The following NVL variants were observed in gnomAD, a reference collection of about 807,000 sequenced individuals.
NVL encodes nuclear valosin-containing protein-like.
NVL carries 84 observed loss-of-function variants against 110.2 expected under a neutral mutation model. The observed-to-expected ratio is 0.76, with a 90% confidence interval of 0.64 to 0.91. The LOEUF (loss-of-function observed/expected upper bound fraction) is 0.91, where lower values mean the gene tolerates loss of function less well. Ranked by LOEUF, NVL falls within the 40% of genes least tolerant of loss-of-function variation. The probability of loss-of-function intolerance (pLI) is 0.00; values close to 1 mark genes in which losing one functional copy is unlikely to be tolerated. For missense variants in NVL, 882 were observed against 1,035.9 expected, an observed-to-expected ratio of 0.85 and a Z score of 2.04; for synonymous variants, 354 against 361.1, an observed-to-expected ratio of 0.98 and a Z score of 0.22.
Position 224,302,905 on chromosome 1 carries a change from T to C in NVL, c.960+818A>G, listed in dbSNP as rs1367827639. ...TCTACAAAAAAACAAAAACATAAGCTGGGCGTGGTGGTATGTGTCTGTGTT... is the reference window on the plus strand; with the variant it reads ...TCTACAAAAAAACAAAAACATAAGCCGGGCGTGGTGGTATGTGTCTGTGTT... On this transcript the variant is annotated intron_variant, in intron 9 of 22. Coordinates refer to ENST00000281701, the MANE Select transcript of NVL (RefSeq NM_002533.4). 1.3e-5 allele frequency: 4 copies of C among 313,528 alleles called. No homozygotes were observed. In the East Asian group the frequency reaches 5.7e-4, roughly 45 times the overall value. 19.4% of individuals were successfully genotyped at this position (313,528 alleles called of 1,614,324 possible).
chr1:224,276,318 C>T (rs1231256119), intron 16 of NVL, among the ~76,000 whole-genome samples: 1 of 152,068 alleles, frequency 6.6e-6, no homozygotes, highest in Non-Finnish European at 1.5e-5. Context: ...TCACTGCAAC[C>T]TCCACGCCCC....
intron 5 of NVL, among the ~76,000 whole-genome samples, chr1:224,308,464 G>C (rs1367505430): frequency 6.6e-6 from 1 of 151,982 alleles, no homozygotes; most frequent in African/African-American, 2.4e-5. Context: ...GCCGAGGTGG[G>C]CAGATCACTT....
intron 13 of NVL, 60 bp downstream of exon 13, chr1:224,289,424 A>C: frequency 6.4e-7 from 1 of 1,569,386 alleles, no homozygotes; most frequent in Non-Finnish European, 8.7e-7. Flanking sequence ...CCCTTGCTTC[A>C]ATGTAAGATA....
At chr1:224,240,187 C>T (rs975681313) in intron 19 of NVL, among the ~76,000 whole-genome samples, 8 of 151,382 alleles carry the variant, frequency 5.3e-5, no homozygotes, top group Non-Finnish European at 1.2e-4. Flanking sequence ...CCTGCCTCAG[C>T]CCCCCAAGTA....
At chr1:224,250,613 A>G (rs114598476) in intron 18 of NVL, among the ~76,000 whole-genome samples, 2,727 of 152,080 alleles carry the variant, frequency 0.018, 43 homozygotes, top group Non-Finnish European at 0.026. Flanking sequence ...GTCTGGTTAC[A>G]TGAGTAAGTT....
chr1:224,258,538 C>T (rs1299054316), intron 18 of NVL, among the ~76,000 whole-genome samples: 1 of 152,100 alleles, frequency 6.6e-6, no homozygotes, highest in African/African-American at 2.4e-5. Context: ...AGCAATTCCA[C>T]TCCTAGGTAT....
intron 17 of NVL, among the ~76,000 whole-genome samples, chr1:224,273,306 G>C (rs1193336786): frequency 6.6e-6 from 1 of 151,750 alleles, no homozygotes; most frequent in Admixed American, 6.6e-5. Context: ...TCAGCTACTC[G>C]GGAGGCTGAG....
intron 18 of NVL, among the ~76,000 whole-genome samples, chr1:224,251,908 C>A (rs1037784636): frequency 6.6e-6 from 1 of 152,186 alleles, no homozygotes; most frequent in South Asian, 2.1e-4. Context: ...CTTCCTCTCT[C>A]TGGGCCTCTT....
chr1:224,266,210 C>T (rs947567602), intron 18 of NVL, among the ~76,000 whole-genome samples: 1 of 152,066 alleles, frequency 6.6e-6, no homozygotes, highest in African/African-American at 2.4e-5. Flanking sequence ...AAACAGGGCC[C>T]TCATTTCCTA....
chr1:224,325,431 A>AT (rs201571619), intron 2 of NVL, among the ~76,000 whole-genome samples: 16 of 149,822 alleles, frequency 1.1e-4, no homozygotes, highest in East Asian at 2.0e-4. Context: ...TAAAAACTGT[A>AT]TTTAAAAAAA....
chr1:224,242,120 T>C (rs1244424574), intron 19 of NVL, among the ~76,000 whole-genome samples: 1 of 151,902 alleles, frequency 6.6e-6, no homozygotes, highest in Non-Finnish European at 1.5e-5. Flanking sequence ...AGACAGAAAG[T>C]AGAATGGTGG....
chr1:224,296,479 GAATTTA>G lies in NVL; in HGVS notation c.1180+16_1180+21del, dbSNP rs752911493. The G allele has an allele frequency of 1.6e-6, 2 of 1,225,274 alleles. No homozygotes were observed. The highest frequency in any genetic ancestry group is 2.3e-6 in the Non-Finnish European group (2 of 883,022). 75.9% of individuals were successfully genotyped at this position (1,225,274 alleles called of 1,614,324 possible). A position where few individuals can be genotyped will look rare whatever the true frequency, so the allele number is the denominator to read the frequency against. ...TTTAAAAAATTTATTCTCTTAAAAT[GAATTTA>G]TTATTTTAAACTAACCATCCATGCA... On this transcript the variant is annotated intron_variant, in intron 11 of 22. Transcript: ENST00000281701.
chr1:224,262,155 G>A (rs902712073), intron 18 of NVL, among the ~76,000 whole-genome samples: 3 of 151,838 alleles, frequency 2.0e-5, no homozygotes, highest in South Asian at 2.1e-4. Flanking sequence ...CAGTCCAGGA[G>A]GGTTTAAGAT....
At chr1:224,321,345 C>T (rs967253501) in intron 2 of NVL, among the ~76,000 whole-genome samples, 1 of 152,180 alleles carries the variant, frequency 6.6e-6, no homozygotes, top group African/African-American at 2.4e-5. Context: ...AGGTGGTAGG[C>T]AGGAACTGGT....
chr1:224,278,450 T>TA (rs1665992607), intron 16 of NVL, among the ~76,000 whole-genome samples: 1 of 152,030 alleles, frequency 6.6e-6, no homozygotes, highest in African/African-American at 2.4e-5. Flanking sequence ...ACACTGGTCT[T>TA]AAATTCTTGA....
intron 18 of NVL, among the ~76,000 whole-genome samples, chr1:224,251,835 C>T (rs921911606): frequency 6.6e-6 from 1 of 152,134 alleles, no homozygotes; most frequent in African/African-American, 2.4e-5. Flanking sequence ...AAGCATTCCT[C>T]TGATTACGTC....
intron 12 of NVL, among the ~76,000 whole-genome samples, chr1:224,290,944 G>A (rs989851144): frequency 1.3e-5 from 2 of 151,904 alleles, no homozygotes; most frequent in Admixed American, 1.3e-4. Flanking sequence ...ACTCCAGCCC[G>A]GACGACAGAG....
At chr1:224,309,822 A>G (rs1669329436) in intron 5 of NVL, among the ~76,000 whole-genome samples, 1 of 152,180 alleles carries the variant, frequency 6.6e-6, no homozygotes, top group South Asian at 2.1e-4. Flanking sequence ...CAAGGCCAGG[A>G]GTTCAAGACC....
At chr1:224,294,101 T>C (rs376053353) in intron 12 of NVL, among the ~76,000 whole-genome samples, 166 bp downstream of exon 12, 2 of 152,234 alleles carry the variant, frequency 1.3e-5, no homozygotes, top group South Asian at 2.1e-4. Context: ...CACCCAGGCA[T>C]AAATGATTTT....
Sources: allele counts gnomAD v4.1 joint callset (sites outside exome capture counted in the v4.1 genomes callset), GRCh38; gene constraint gnomAD v4.1.1; transcripts MANE v1.5; gene names NCBI Gene and HGNC (gene_info 2026-07-23, HGNC 2026-07-21).